HCN1: variants seen among roughly 807,000 people sequenced by gnomAD.
HCN1 encodes the protein hyperpolarization activated cyclic nucleotide gated potassium channel 1, also known as potassium/sodium hyperpolarization-activated cyclic nucleotide-gated channel 1.
A neutral mutation model predicts 78.9 loss-of-function variants in HCN1; 13 were observed. That is an observed-to-expected ratio of 0.16 (90% CI 0.11 to 0.26). The LOEUF (loss-of-function observed/expected upper bound fraction) is 0.26. HCN1 is among the 10% of genes least tolerant of loss of function. The pLI, the probability that HCN1 is intolerant of heterozygous loss-of-function variation, is 1.00. For missense variants in HCN1, 810 were observed against 1,154.3 expected (o/e 0.70, Z 4.32); for synonymous variants, 552 against 455.5 (o/e 1.21, Z -2.70).
intron 2 of HCN1, among the ~76,000 whole-genome samples, chr5:45,467,422 C>A (rs553786595): frequency 6.6e-6 from 1 of 152,072 alleles, no homozygotes; most frequent in Non-Finnish European, 1.5e-5. Flanking sequence ...TGGCATCAAA[C>A]AACCTCCCAA....
At chr5:45,485,129 C>T (rs1209671146) in intron 2 of HCN1, among the ~76,000 whole-genome samples, 4 of 152,090 alleles carry the variant, frequency 2.6e-5, no homozygotes, top group African/African-American at 9.7e-5. Context: ...ATTACATTTG[C>T]TAATGGGGGC....
At chr5:45,592,099 T>C (rs1744376524) in intron 2 of HCN1, among the ~76,000 whole-genome samples, 2 of 152,316 alleles carry the variant, frequency 1.3e-5, no homozygotes, top group African/African-American at 2.4e-5. Flanking sequence ...CAAAAATTAC[T>C]TGACTCTATG....
Position 45,259,202 on chromosome 5 carries a change from T to C in HCN1, c.*2719A>G, listed in dbSNP as rs139167506. On this transcript the variant is annotated 3_prime_UTR_variant, in exon 8 of 8. Coordinates refer to ENST00000303230, the MANE Select transcript of HCN1 (RefSeq NM_021072.4). Reference sequence around the variant, plus strand: ...GGCAAAGCTGTACTCATTAATAAAATAAAACATTTGATTAGCATATATTGA... The same window carrying C: ...GGCAAAGCTGTACTCATTAATAAAACAAAACATTTGATTAGCATATATTGA... 2.0e-5 allele frequency: 3 copies of C among 152,076 alleles called. No individual in the cohort carries two copies. Among genetic ancestry groups the C allele is most frequent in the Non-Finnish European group, 4.4e-5 (3 of 67,878 alleles). The allele number at this position is 152,076 out of a possible 1,614,324, so 9.4% of individuals were successfully genotyped here. A position where few individuals can be genotyped will look rare whatever the true frequency, so the allele number is the denominator to read the frequency against.
At chr5:45,274,161 A>G (rs866942778) in intron 6 of HCN1, among the ~76,000 whole-genome samples, 9 of 152,128 alleles carry the variant, frequency 5.9e-5, no homozygotes, top group South Asian at 2.1e-4. Context: ...TATTCTAATA[A>G]CCAGAATACC....
intron 3 of HCN1, among the ~76,000 whole-genome samples, chr5:45,402,813 C>CTCCTTCCTTCCTTCCTTCCTTCCTTCCT (rs71000635): frequency 5.1e-5 from 5 of 98,368 alleles, no homozygotes; most frequent in African/African-American, 1.6e-4. Context: ...CCTTTCTTTC[C>CTCCTTCCTTCCTTCCTTCCTTCCTTCCT]TCCTTCCTTC....
chr5:45,399,898 T>C (rs1313656108), intron 3 of HCN1, among the ~76,000 whole-genome samples: 1 of 152,138 alleles, frequency 6.6e-6, no homozygotes, highest in Non-Finnish European at 1.5e-5. Flanking sequence ...ATGTCATATT[T>C]TAATATGTAC....
At chr5:45,300,389 TCTC>T (rs1234599582) in intron 6 of HCN1, among the ~76,000 whole-genome samples, 8 of 151,956 alleles carry the variant, frequency 5.3e-5, no homozygotes, top group Non-Finnish European at 1.0e-4. Flanking sequence ...TTCTCTTCCT[TCTC>T]CTCTTCATCC....
At chr5:45,691,025 T>A (rs1244201627) in intron 1 of HCN1, among the ~76,000 whole-genome samples, 1 of 152,138 alleles carries the variant, frequency 6.6e-6, no homozygotes, top group Non-Finnish European at 1.5e-5. Context: ...CTATAGGACA[T>A]AGGTGCATTG....
chr5:45,458,328 A>C (rs1410401431), intron 3 of HCN1, among the ~76,000 whole-genome samples: 4 of 152,100 alleles, frequency 2.6e-5, no homozygotes, highest in Admixed American at 2.6e-4. Context: ...ATAAACATAA[A>C]GAATTTGTTA....
chr5:45,619,143 G>C (rs907170962), intron 2 of HCN1, among the ~76,000 whole-genome samples: 1 of 152,048 alleles, frequency 6.6e-6, no homozygotes, highest in South Asian at 2.1e-4. Flanking sequence ...AGTAGTAGAA[G>C]TAATGAGAAG....
intron 2 of HCN1, among the ~76,000 whole-genome samples, chr5:45,541,888 A>G (rs895112387): frequency 1.3e-5 from 2 of 152,196 alleles, no homozygotes; most frequent in Non-Finnish European, 2.9e-5. Context: ...ATAACTTTAA[A>G]TCTTTCCCTT....
intron 2 of HCN1, among the ~76,000 whole-genome samples, chr5:45,521,743 C>T (rs1742617684): frequency 1.3e-5 from 2 of 151,868 alleles, no homozygotes; most frequent in Admixed American, 6.6e-5. Context: ...TAACCCATAA[C>T]AGCAAGGAGT....
At chr5:45,525,175 T>C (rs1001005683) in intron 2 of HCN1, among the ~76,000 whole-genome samples, 5 of 152,160 alleles carry the variant, frequency 3.3e-5, no homozygotes, top group Non-Finnish European at 5.9e-5. Flanking sequence ...TTTGCGTACA[T>C]TGAACCAGCC....
intron 6 of HCN1, among the ~76,000 whole-genome samples, chr5:45,273,747 A>T (rs1452781378): frequency 6.6e-6 from 1 of 152,142 alleles, no homozygotes; most frequent in East Asian, 1.9e-4. Context: ...AATTATTTAG[A>T]TTTCTAATTC....
At chr5:45,339,754 G>GA (rs774945995) in intron 5 of HCN1, among the ~76,000 whole-genome samples, 9 of 152,078 alleles carry the variant, frequency 5.9e-5, no homozygotes, top group East Asian at 3.9e-4. Flanking sequence ...AATATATAAA[G>GA]AAAAAATATT....
intron 3 of HCN1, among the ~76,000 whole-genome samples, chr5:45,433,197 T>C (rs1313058117): frequency 2.6e-5 from 4 of 152,120 alleles, no homozygotes; most frequent in African/African-American, 9.7e-5. Context: ...TGAACTACCT[T>C]GCAACCCAGG....
At chr5:45,565,779 G>C (rs1743696676) in intron 2 of HCN1, among the ~76,000 whole-genome samples, 1 of 151,820 alleles carries the variant, frequency 6.6e-6, no homozygotes, top group Admixed American at 6.6e-5. Flanking sequence ...ACCCAGCAAG[G>C]GCAACAGAAT....
intron 1 of HCN1, among the ~76,000 whole-genome samples, chr5:45,683,817 T>C (rs1387926811): frequency 6.6e-6 from 1 of 151,974 alleles, no homozygotes; most frequent in South Asian, 2.1e-4. Flanking sequence ...ACTACAGGCA[T>C]GCATCTCCAT....
chr5:45,277,465 C>T (rs1745086376), intron 6 of HCN1, among the ~76,000 whole-genome samples: 1 of 151,686 alleles, frequency 6.6e-6, no homozygotes, highest in Non-Finnish European at 1.5e-5. Flanking sequence ...TAAACATAAA[C>T]AAAACAAAAC....
Sources: gnomAD v4.1 joint callset for allele counts (sites outside exome capture counted in the v4.1 genomes callset) on GRCh38, gnomAD v4.1.1 for gene constraint, MANE v1.5 for transcripts, NCBI Gene and HGNC (gene_info 2026-07-23, HGNC 2026-07-21) for gene names.